AOAH: variants seen among roughly 807,000 people sequenced by gnomAD.
AOAH encodes acyloxyacyl hydrolase (neutrophil).
In AOAH, 64 loss-of-function variants were observed where a neutral mutation model predicts 92.2. The ratio of observed to expected loss-of-function variants is 0.69; its 90% CI spans 0.57 to 0.86. AOAH has a LOEUF of 0.86. Ranked by LOEUF, AOAH falls within the 40% of genes least tolerant of loss-of-function variation. AOAH has a pLI of 0.00. For missense variants in AOAH, 656 were observed against 694.6 expected (o/e 0.94, Z 0.62); for synonymous variants, 263 against 254.5 (o/e 1.03, Z -0.32).
At chr7:36,671,050 A>C (rs1795892718) in intron 3 of AOAH, among the ~76,000 whole-genome samples, 1 of 152,114 alleles carries the variant, frequency 6.6e-6, no homozygotes, top group African/African-American at 2.4e-5. Context: ...GCCCCCTTTG[A>C]GTTCTGGGAC....
intron 1 of AOAH, among the ~76,000 whole-genome samples, chr7:36,716,760 G>A (rs1356314043): frequency 6.6e-6 from 1 of 150,746 alleles, no homozygotes. Flanking sequence ...AATCATAGGT[G>A]GGAATTGAAC....
chr7:36,643,585 T>C (rs1794040141), intron 4 of AOAH, among the ~76,000 whole-genome samples: 1 of 152,234 alleles, frequency 6.6e-6, no homozygotes, highest in African/African-American at 2.4e-5. Context: ...TTCAATCATT[T>C]TTTTGTGCAG....
intron 2 of AOAH, among the ~76,000 whole-genome samples, chr7:36,682,329 AG>A (rs1377080863): frequency 2.0e-5 from 3 of 152,230 alleles, no homozygotes; most frequent in Admixed American, 2.0e-4. Context: ...CCAAAACAAC[AG>A]AAGAAGGAGC....
At chr7:36,521,595 C>A (rs1259605817) in intron 20 of AOAH, among the ~76,000 whole-genome samples, 2 of 152,142 alleles carry the variant, frequency 1.3e-5, no homozygotes, top group Admixed American at 6.5e-5. Context: ...CTATACAGCA[C>A]CCTTTCTAGA....
intron 11 of AOAH, among the ~76,000 whole-genome samples, chr7:36,601,234 A>AATTT (rs879563377): frequency 2.7e-4 from 41 of 152,372 alleles, no homozygotes; most frequent in Middle Eastern, 3.4e-3. Flanking sequence ...TCAAGAAAGT[A>AATTT]ATTTAACTCT....
chr7:36,707,675 T>C (rs1798512354), intron 1 of AOAH, among the ~76,000 whole-genome samples: 1 of 152,176 alleles, frequency 6.6e-6, no homozygotes. Flanking sequence ...ATATTACTGT[T>C]TTCCAGTAAG....
At chr7:36,525,085 A>G (rs1784336869) in intron 19 of AOAH, among the ~76,000 whole-genome samples, 1 of 152,228 alleles carries the variant, frequency 6.6e-6, no homozygotes, top group Non-Finnish European at 1.5e-5. Flanking sequence ...ATAGATGCAC[A>G]GCAAACCATG....
intron 4 of AOAH, among the ~76,000 whole-genome samples, chr7:36,642,441 T>C (rs1010885774): frequency 6.6e-6 from 1 of 152,150 alleles, no homozygotes; most frequent in African/African-American, 2.4e-5. Context: ...ACAGATTTTC[T>C]CTCACAGCCA....
chr7:36,557,078 C>T (rs1351319166), intron 13 of AOAH, among the ~76,000 whole-genome samples: 10 of 152,134 alleles, frequency 6.6e-5, no homozygotes, highest in Non-Finnish European at 1.0e-4. Context: ...TCTTCCTAGT[C>T]TCAATGGTCT....
At chr7:36,717,191 G>A (rs1209624325) in intron 1 of AOAH, among the ~76,000 whole-genome samples, 7 of 152,170 alleles carry the variant, frequency 4.6e-5, no homozygotes, top group South Asian at 2.1e-4. Flanking sequence ...TCCCCACTGC[G>A]GGGTTACGCT....
chr7:36,688,853 G>A (rs10224483), intron 1 of AOAH, among the ~76,000 whole-genome samples: 1 of 151,608 alleles, frequency 6.6e-6, no homozygotes, highest in African/African-American at 2.4e-5. Flanking sequence ...ATGTGTATAT[G>A]TATATGTGTA....
At chr7:36,553,683 C>G (rs1233979204) in intron 13 of AOAH, among the ~76,000 whole-genome samples, 1 of 152,116 alleles carries the variant, frequency 6.6e-6, no homozygotes, top group South Asian at 2.1e-4. Flanking sequence ...GCCATTCTAA[C>G]TGGTGTGAGA....
rs374894373 is a variant in AOAH, at chr7:36,547,206, G to A, written c.1133+1406C>T. 2.7e-4 allele frequency among the ~76,000 whole-genome samples: 41 copies of A among 152,266 alleles called. No individual in the cohort carries two copies. In the East Asian group the frequency reaches 2.9e-3, roughly 11 times the overall value. The stretch of plus-strand genomic sequence containing the variant: ...GTTTGCCATTTACTGGAAAGTCCCC[G>A]GTGTCTCTTCACAGACCTTGGTGCC... On this transcript the variant is annotated intron_variant, in intron 15 of 20. Coordinates refer to ENST00000617537, the MANE Select transcript of AOAH (RefSeq NM_001637.4).
chr7:36,533,714 CT>C (rs1784839106), intron 16 of AOAH, among the ~76,000 whole-genome samples: 1 of 150,986 alleles, frequency 6.6e-6, no homozygotes, highest in Non-Finnish European at 1.5e-5. Flanking sequence ...TGTGTGTGTA[CT>C]TTTTGTCATT....
rs573276058 is a variant in AOAH at position 36,643,378 on chromosome 7, T to A, written c.391-5468A>T. 2.6e-5 allele frequency among the ~76,000 whole-genome samples: 4 copies of A among 152,254 alleles called. No individual in the cohort carries two copies. The East Asian group carries it at 7.7e-4, about 29-fold the overall frequency. On this transcript the variant is annotated intron_variant, in intron 4 of 20. Transcript: ENST00000617537. ...GCAAGAAAATATGATTGATGAGGTT[T>A]CACCAGGCCTTGGGGAATGGCAAGT...
intron 7 of AOAH, 60 bp downstream of exon 7, chr7:36,623,130 G>C: frequency 7.2e-7 from 1 of 1,388,774 alleles, no homozygotes; most frequent in Non-Finnish European, 1.0e-6. Context: ...TTAAAGGAAA[G>C]AAATGTGTAG....
At chr7:36,517,288 C>A (rs1783840664) in intron 20 of AOAH, among the ~76,000 whole-genome samples, 1 of 127,906 alleles carries the variant, frequency 7.8e-6, no homozygotes, top group African/African-American at 2.8e-5. Flanking sequence ...TTCTTTCTTT[C>A]TTTCTTTCCT....
chr7:36,661,440 A>G (rs1312035205), intron 3 of AOAH: 3 of 151,770 alleles, frequency 2.0e-5, no homozygotes, highest in African/African-American at 4.8e-5. Context: ...AAGAGAGCAC[A>G]CTCCCTGGGT....
intron 20 of AOAH, chr7:36,514,536 G>T: frequency 6.5e-7 from 1 of 1,535,960 alleles, no homozygotes; most frequent in Non-Finnish European, 8.7e-7. Flanking sequence ...GTCCATTCTT[G>T]GTTGTCCAGT....
Sources: allele counts gnomAD v4.1 joint callset (sites outside exome capture counted in the v4.1 genomes callset), GRCh38; gene constraint gnomAD v4.1.1; transcripts MANE v1.5; gene names NCBI Gene and HGNC (gene_info 2026-07-23, HGNC 2026-07-21).